ARL17B: variants seen among roughly 807,000 people sequenced by gnomAD.
ARL17B encodes ADP-ribosylation factor-like protein 17.
chr17:46,275,722 A>G (rs2049567096), intron 4 of ARL17B, among the ~76,000 whole-genome samples: 1 of 152,246 alleles, frequency 6.6e-6, no homozygotes, highest in Non-Finnish European at 1.5e-5. Context: ...TTACAGAAGC[A>G]TTACCATTGT....
chr17:46,291,425 G>A (rs2143462332), intron 4 of ARL17B, among the ~76,000 whole-genome samples: 1 of 152,214 alleles, frequency 6.6e-6, no homozygotes, highest in South Asian at 2.1e-4. Context: ...GGAGGAAGTG[G>A]TGGCTGAACA....
At chr17:46,299,730 C>T in intron 3 of ARL17B, 1 of 8,658 alleles carries the variant, frequency 1.2e-4, no homozygotes, top group South Asian at 7.4e-4. Flanking sequence ...TGCAATGATT[C>T]TTTTACTTAT....
intron 4 of ARL17B, among the ~76,000 whole-genome samples, chr17:46,275,959 T>C (rs1198646449): frequency 6.6e-6 from 1 of 152,218 alleles, no homozygotes; most frequent in Admixed American, 6.5e-5. Context: ...GGCGCGATCT[T>C]GGCTCACTGC....
intron 4 of ARL17B, among the ~76,000 whole-genome samples, chr17:46,291,580 A>C (rs2258733): frequency 0.14 from 21,397 of 151,270 alleles, 36 homozygotes; most frequent in Non-Finnish European, 0.2. Context: ...ACTCAAAATA[A>C]GCTTGCAAAA....
chr17:46,328,297 CT>C, intron 3 of ARL17B: 1 of 20,610 alleles, frequency 4.9e-5, no homozygotes. Context: ...TCAATGACAC[CT>C]TTTTCCCACA....
At chr17:46,276,604 A>T (rs1459602717) in intron 4 of ARL17B, among the ~76,000 whole-genome samples, 1 of 152,226 alleles carries the variant, frequency 6.6e-6, no homozygotes, top group Non-Finnish European at 1.5e-5. Context: ...AATGCTGGAG[A>T]TCATAAATTA....
At chr17:46,316,861 T>G (rs2051156969) in intron 3 of ARL17B, among the ~76,000 whole-genome samples, 3 of 102,460 alleles carry the variant, frequency 2.9e-5, no homozygotes, top group African/African-American at 9.7e-5. Flanking sequence ...AAAGCACATC[T>G]TGCACCGCCC....
chr17:46,281,103 T>C (rs544272436), intron 4 of ARL17B, among the ~76,000 whole-genome samples: 3 of 152,014 alleles, frequency 2.0e-5, no homozygotes, highest in African/African-American at 7.2e-5. Context: ...TTATAGATTG[T>C]CTGTTTTATC....
At chr17:46,288,706 C>CTTTTCTTTTT (rs2049986313) in intron 4 of ARL17B, among the ~76,000 whole-genome samples, 1 of 139,058 alleles carries the variant, frequency 7.2e-6, no homozygotes, top group African/African-American at 2.7e-5. Context: ...CTTGTTTTTT[C>CTTTTCTTTTT]TTTTTTTTTT....
chr17:46,351,639 AG>A (rs1339930030), intron 3 of ARL17B, among the ~76,000 whole-genome samples: 1 of 146,860 alleles, frequency 6.8e-6, no homozygotes, highest in Non-Finnish European at 1.5e-5. Context: ...TAAAATCTAT[AG>A]CCTGGAAAAG....
downstream of ARL17B, among the ~76,000 whole-genome samples, chr17:46,332,983 C>G (rs2052085346): frequency 6.7e-6 from 1 of 150,224 alleles, no homozygotes; most frequent in Admixed American, 6.7e-5. Context: ...CCTTACTCTG[C>G]CACTAATTTA....
chr17:46,317,148 C>T (rs1385949843), intron 3 of ARL17B, among the ~76,000 whole-genome samples: 3 of 90,142 alleles, frequency 3.3e-5, no homozygotes, highest in African/African-American at 5.9e-5. Context: ...GATGGGGTGG[C>T]GGCCGGGCAG....
chr17:46,276,969 AATTTTTTGT>A (rs2049607564), intron 4 of ARL17B, among the ~76,000 whole-genome samples: 1 of 146,594 alleles, frequency 6.8e-6, no homozygotes. Flanking sequence ...ATGCTCAGCT[AATTTTTTGT>A]ATTTTTTGTA....
intron 4 of ARL17B, among the ~76,000 whole-genome samples, chr17:46,291,836 C>T (rs2050076363): frequency 1.3e-5 from 2 of 151,996 alleles, no homozygotes; most frequent in Non-Finnish European, 2.9e-5. Context: ...TGGCACGCGC[C>T]TGTAGTCCCA....
At position 46,290,852 on chromosome 17, in the gene ARL17B, C is replaced by T. The variant is rs2050047701; in HGVS notation, c.*21+8674G>A. On this transcript the variant is annotated intron_variant, in intron 4 of 4. Transcript: ENST00000570618. ...CACAGGAAAACCTGATTCCCCACGC[C>T]AAAATTTCAAGGATTTGCCTAAAGG... 2.0e-5 allele frequency among the ~76,000 whole-genome samples: 3 copies of T among 152,202 alleles called. No individual in the cohort carries two copies. In the South Asian group the frequency reaches 6.2e-4, roughly 32 times the overall value.
intron 4 of ARL17B, among the ~76,000 whole-genome samples, chr17:46,277,653 C>CTTTCTTTCTTTCTT (rs143961379): frequency 3.6e-5 from 5 of 137,864 alleles, no homozygotes; most frequent in Admixed American, 1.5e-4. Context: ...TTCTTTCTTT[C>CTTTCTTTCTTTCTT]TTTTTTTTTT....
At chr17:46,332,908 G>A (rs1453412499), downstream of ARL17B, among the ~76,000 whole-genome samples, 14 of 151,502 alleles carry the variant, frequency 9.2e-5, 1 homozygote, top group African/African-American at 2.7e-4. Flanking sequence ...TTAAGAAGTC[G>A]ATATAATAGC....
intron 4 of ARL17B, among the ~76,000 whole-genome samples, chr17:46,281,895 C>T (rs1282516136): frequency 1.3e-5 from 2 of 152,172 alleles, no homozygotes; most frequent in East Asian, 1.9e-4. Context: ...CCACCCGCCT[C>T]GGCCTCCCAA....
chr17:46,357,192 A>T (rs1206916185), intron 2 of ARL17B, among the ~76,000 whole-genome samples: 3 of 108,442 alleles, frequency 2.8e-5, no homozygotes, highest in Non-Finnish European at 1.8e-5. Context: ...AAAAAAAAGA[A>T]AGTTGATCAT....
Sources: gnomAD v4.1 joint callset for allele counts (sites outside exome capture counted in the v4.1 genomes callset) on GRCh38, gnomAD v4.1.1 for gene constraint, MANE v1.5 for transcripts, NCBI Gene and HGNC (gene_info 2026-07-23, HGNC 2026-07-21) for gene names.